Variants in ANO7 observed in about 807,000 individuals in gnomAD.
ANO7 encodes anoctamin 7.
Under a neutral mutation model 115.8 loss-of-function variants are expected in ANO7, and 114 were observed. The observed-to-expected ratio is 0.98, with a 90% CI of 0.85 to 1.15. The LOEUF (loss-of-function observed/expected upper bound fraction) is 1.15, where lower values mean the gene tolerates loss of function less well. Ranked by LOEUF, ANO7 falls within the 50% of genes most tolerant of loss-of-function variation. The pLI is 0.00. For missense variants in ANO7, 1,302 were observed against 1,201.2 expected (o/e 1.08, Z -1.24); for synonymous variants, 550 against 498.2 (o/e 1.10, Z -1.38).
At chr2:241,202,172 C>T (rs780350516) in intron 7 of ANO7, 22 bp from the exon 8 acceptor site, 1 of 1,603,964 alleles carries the variant, frequency 6.2e-7, no homozygotes, top group East Asian at 2.2e-5. Flanking sequence ...GTGACCTGCG[C>T]CATCCTCCAC....
intron 21 of ANO7, among the ~76,000 whole-genome samples, chr2:241,219,801 A>G (rs907264701): frequency 8.0e-5 from 12 of 149,662 alleles, no homozygotes; most frequent in Admixed American, 6.1e-4. Flanking sequence ...CTAGTCTCAA[A>G]CTCCTGGCCT....
chr2:241,205,174 G>A, intron 10 of ANO7, among the ~76,000 whole-genome samples: 1 of 151,986 alleles, frequency 6.6e-6, no homozygotes, highest in East Asian at 1.9e-4. Flanking sequence ...CAGGCTGACA[G>A]GTGGACAGGA....
chr2:241,217,609 G>T, intron 19 of ANO7, 77 bp from the exon 20 acceptor site: 1 of 1,486,778 alleles, frequency 6.7e-7, no homozygotes. Context: ...GGACTGGCCG[G>T]TCCTCCGCGG....
At chr2:241,222,768 T>C (rs2069055957) in intron 21 of ANO7, among the ~76,000 whole-genome samples, 1 of 152,114 alleles carries the variant, frequency 6.6e-6, no homozygotes, top group South Asian at 2.1e-4. Context: ...GAGGGAGGGC[T>C]CTGCTGGACA....
At chr2:241,191,685 C>G (rs2068206876) in intron 3 of ANO7, among the ~76,000 whole-genome samples, 1 of 152,258 alleles carries the variant, frequency 6.6e-6, no homozygotes, top group Admixed American at 6.5e-5. Context: ...GCACCAGCAC[C>G]AGCCGGGCTC....
intron 18 of ANO7, among the ~76,000 whole-genome samples, chr2:241,215,394 C>T (rs747651922): frequency 1.1e-4 from 16 of 152,210 alleles, no homozygotes; most frequent in Admixed American, 1.3e-4. Context: ...AAGAGGCTGC[C>T]CAGGGCCTCG....
At chr2:241,196,163 G>T (rs900558267) in intron 4 of ANO7, 2 of 1,290,178 alleles carry the variant, frequency 1.6e-6, no homozygotes, top group South Asian at 2.1e-5. Flanking sequence ...TTTTGGGTAG[G>T]CGTGTCATTT....
At chr2:241,223,106 G>C in intron 21 of ANO7, 80 bp from the exon 22 acceptor site, 1 of 1,256,158 alleles carries the variant, frequency 8.0e-7, no homozygotes, top group Non-Finnish European at 1.1e-6. Flanking sequence ...GGAAAAAGGG[G>C]AGATAGGCTA....
At chr2:241,226,935 CA>C (rs1374055921), downstream of ANO7, among the ~76,000 whole-genome samples, 3 of 152,180 alleles carry the variant, frequency 2.0e-5, no homozygotes, top group Non-Finnish European at 4.4e-5. Context: ...CTCAGCTCGT[CA>C]TAACTCACAG....
Position 241,204,936 on chromosome 2 carries a change from G to GTGT in ANO7, c.963_965dup (p.Val321_Phe322insLeu). 1 of 1,614,064 alleles carries GTGT rather than the reference G, an allele frequency of 6.2e-7. No individual in the cohort carries two copies. Among genetic ancestry groups the GTGT allele is most frequent in the South Asian group, 1.1e-5 (1 of 91,078 alleles). On this transcript the variant is annotated inframe_insertion, in exon 10 of 25. Transcript: ENST00000674324. ...GGTGTTCCTGGTGGGCTGCTTCCTG[G>GTGT]TGTTCTCAGACATACCCACGTGAGT...
intron 21 of ANO7, among the ~76,000 whole-genome samples, chr2:241,222,542 G>A (rs1036893099): frequency 5.3e-5 from 8 of 151,852 alleles, no homozygotes; most frequent in Non-Finnish European, 1.0e-4. Flanking sequence ...TCATTTGAGG[G>A]ATTTTTTTTC....
chr2:241,218,653 G>A (rs1467473108), intron 21 of ANO7, among the ~76,000 whole-genome samples: 1 of 152,250 alleles, frequency 6.6e-6, no homozygotes, highest in Non-Finnish European at 1.5e-5. Flanking sequence ...GTCGCAGACA[G>A]AACTCCTCAG....
chr2:241,210,867 A>C (rs962575254), intron 15 of ANO7, among the ~76,000 whole-genome samples: 1 of 148,152 alleles, frequency 6.7e-6, no homozygotes, highest in Non-Finnish European at 1.5e-5. Flanking sequence ...CAGGGGTCTC[A>C]CTGTGTGGCT....
chr2:241,239,376 CTTTTT>C, the ANO7 span, among the ~76,000 whole-genome samples: 2 of 147,746 alleles, frequency 1.4e-5, no homozygotes, highest in African/African-American at 2.5e-5. The surrounding 1 kb of genome is among the most constrained non-coding windows in gnomAD (Gnocchi z 4.6). Flanking sequence ...TTCTCTCTCT[CTTTTT>C]TTTTTTAAGT....
Position 241,209,502 on chromosome 2 carries a change from G to GGCCTCGGCCCCAGTTTGCC in ANO7, c.1232_1250dup (p.Met420ValfsTer16). 6.3e-7 allele frequency: 1 copy of GGCCTCGGCCCCAGTTTGCC among 1,593,522 alleles called. No individual in the cohort carries two copies. The highest frequency in any genetic ancestry group is 1.3e-5 in the African/African-American group (1 of 74,722). On this transcript the variant is annotated frameshift_variant, in exon 13 of 25. Transcript: ENST00000674324. LOFTEE classifies it high-confidence loss of function. The stretch of plus-strand genomic sequence containing the variant: ...TGAGCACCGGCTCCCTTCCAGGAGA[G>GGCCTCGGCCCCAGTTTGCC]GCCTCGGCCCCAGTTTGCCGCCTCA...
chr2:241,239,775 G>A, the ANO7 span: 1 of 1,614,080 alleles, frequency 6.2e-7, no homozygotes, highest in Non-Finnish European at 8.5e-7. This position sits in a 1 kb window ranked among gnomAD's most constrained non-coding sequence, Gnocchi z 4.6. Flanking sequence ...ACGAAGTGGC[G>A]GTGGTGCTTG....
chr2:241,199,497 C>A, intron 5 of ANO7, 74 bp downstream of exon 5: 1 of 1,481,934 alleles, frequency 6.7e-7, no homozygotes, highest in Non-Finnish European at 9.3e-7. Flanking sequence ...CTGCCAGTGC[C>A]GACAGCCTCA....
At chr2:241,236,593 AG>A in the ANO7 span, 452 of 1,609,516 alleles carry the variant, frequency 2.8e-4, 5 homozygotes, top group East Asian at 9.3e-3. Flanking sequence ...CGGGGGGTGG[AG>A]GGGGGCACAT....
At chr2:241,200,370 C>G in intron 6 of ANO7, 145 bp downstream of exon 6, 3 of 1,154,958 alleles carry the variant, frequency 2.6e-6, no homozygotes, top group Non-Finnish European at 3.6e-6. Context: ...GCACGCTTAT[C>G]GCGTGTCTGC....
Sources: gnomAD v4.1 joint callset for allele counts (sites outside exome capture counted in the v4.1 genomes callset) on GRCh38, gnomAD v4.1.1 for gene constraint, Gnocchi (gnomAD v3.1) non-coding constraint, MANE v1.5 for transcripts, NCBI Gene and HGNC (gene_info 2026-07-23, HGNC 2026-07-21) for gene names.